Variants in MYBL2 observed in about 807,000 individuals in gnomAD.
The protein encoded by MYBL2 is MYB proto-oncogene like 2.
Under a neutral mutation model 79.9 loss-of-function variants are expected in MYBL2, and 28 were observed. That is an observed-to-expected ratio of 0.35 (90% CI 0.26 to 0.48). The LOEUF (loss-of-function observed/expected upper bound fraction) is 0.48, where lower values mean the gene tolerates loss of function less well. Among genes scored for constraint, MYBL2 ranks in the 20% least tolerant of loss-of-function variants. The probability of loss-of-function intolerance (pLI) is 0.99; values close to 1 mark genes in which losing one functional copy is unlikely to be tolerated. For missense variants in MYBL2, 735 were observed against 893.9 expected, an observed-to-expected ratio of 0.82 and a Z score of 2.27; for synonymous variants, 378 against 361.2, an observed-to-expected ratio of 1.05 and a Z score of -0.53.
At chr20:43,700,552 T>C (rs1987656302) in intron 7 of MYBL2, among the ~76,000 whole-genome samples, 1 of 152,086 alleles carries the variant, frequency 6.6e-6, no homozygotes, top group Non-Finnish European at 1.5e-5. Context: ...TGAGGAGGGC[T>C]TCTTGGTGTG....
At chr20:43,674,224 T>TCTC (rs1555809908) in intron 2 of MYBL2, among the ~76,000 whole-genome samples, 1 of 58,204 alleles carries the variant, frequency 1.7e-5, no homozygotes, top group Non-Finnish European at 3.5e-5. Flanking sequence ...AATCTGTAAC[T>TCTC]CCCCCCACCC....
chr20:43,697,311 A>G (rs1987567205), intron 6 of MYBL2, among the ~76,000 whole-genome samples: 3 of 152,190 alleles, frequency 2.0e-5, no homozygotes, highest in Non-Finnish European at 4.4e-5. Context: ...ATAATTGACA[A>G]ATAAATTGCA....
At chr20:43,668,774 A>G (rs1482696763) in intron 1 of MYBL2, among the ~76,000 whole-genome samples, 2 of 148,266 alleles carry the variant, frequency 1.3e-5, no homozygotes, top group Non-Finnish European at 3.0e-5. Flanking sequence ...TGTAGCCCCA[A>G]CCTCCCAGGT....
At chr20:43,673,353 G>A (rs1330465244) in intron 1 of MYBL2, among the ~76,000 whole-genome samples, 2 of 151,782 alleles carry the variant, frequency 1.3e-5, no homozygotes, top group Non-Finnish European at 1.5e-5. Flanking sequence ...AAAAAGAGGT[G>A]AGGTCGGGTG....
intron 2 of MYBL2, among the ~76,000 whole-genome samples, chr20:43,674,512 C>G (rs536579354): frequency 6.6e-6 from 1 of 151,790 alleles, no homozygotes; most frequent in Non-Finnish European, 1.5e-5. Context: ...CTCAGCCTCC[C>G]GAGTAGCTGG....
At chr20:43,701,048 G>A (rs1987665729) in intron 7 of MYBL2, among the ~76,000 whole-genome samples, 1 of 152,120 alleles carries the variant, frequency 6.6e-6, no homozygotes, top group Admixed American at 6.6e-5. Context: ...CCTGTGAGGT[G>A]GGTAGTGGAC....
At chr20:43,715,372 T>C (rs1988008704) in intron 13 of MYBL2, 89 bp downstream of exon 13, 1 of 1,577,186 alleles carries the variant, frequency 6.3e-7, no homozygotes, top group African/African-American at 1.3e-5. Flanking sequence ...GGTCCTGCAG[T>C]GCCCGCCTTC....
At chr20:43,681,239 C>T (rs2145713338) in intron 2 of MYBL2, among the ~76,000 whole-genome samples, 1 of 152,246 alleles carries the variant, frequency 6.6e-6, no homozygotes, top group South Asian at 2.1e-4. Context: ...TCAGTAATGA[C>T]CTCCTTATGT....
At chr20:43,686,721 C>T (rs763146664) in intron 4 of MYBL2, 131 bp from the exon 5 acceptor site, 73 of 853,040 alleles carry the variant, frequency 8.6e-5, no homozygotes, top group Non-Finnish European at 1.2e-4. Context: ...GCAGCTCGCT[C>T]AGTGTTGCCT....
intron 2 of MYBL2, among the ~76,000 whole-genome samples, chr20:43,674,275 C>T (rs1312495813): frequency 2.5e-5 from 3 of 120,202 alleles, no homozygotes; most frequent in Non-Finnish European, 4.9e-5. Context: ...TCGCTCTTGT[C>T]ACCCAGGCTA....
At chr20:43,701,688 G>T (rs967183582) in intron 7 of MYBL2, among the ~76,000 whole-genome samples, 5 of 152,196 alleles carry the variant, frequency 3.3e-5, no homozygotes, top group Non-Finnish European at 7.3e-5. Context: ...CATCAATGAT[G>T]AGTGACATCC....
intron 1 of MYBL2, among the ~76,000 whole-genome samples, chr20:43,671,463 ATTTTTTT>A (rs376522569): frequency 0.014 from 976 of 70,910 alleles, 19 homozygotes; most frequent in African/African-American, 0.055. Flanking sequence ...GCTGATTTCC[ATTTTTTT>A]TTTTTTTTTT....
chr20:43,668,687 T>G (rs1035379192), intron 1 of MYBL2, among the ~76,000 whole-genome samples: 2 of 8,610 alleles, frequency 2.3e-4, no homozygotes, highest in South Asian at 4.8e-3. Context: ...CTGCCCTGGT[T>G]TTTTTTTTTT....
rs747340803 is a variant in MYBL2 at position 43,702,641 on chromosome 20, T to G, written c.1103T>G (p.Val368Gly). Reference sequence around the variant, plus strand: ...CAGCCTTCCGCCCTGGTGCCCAGTGTGACCGAGTACCGCCTGGATGGCCAC... The same window carrying G: ...CAGCCTTCCGCCCTGGTGCCCAGTGGGACCGAGTACCGCCTGGATGGCCAC... Reference protein sequence around the residue: ...PRQPSALVPSVTEYRLDGHTI... With the variant: ...PRQPSALVPSGTEYRLDGHTI... Residue 368 changes from valine to glycine, a missense_variant, in exon 8 of 14, where the codon GTG becomes GGG. Transcript: ENST00000217026. 1 of 1,614,098 alleles carries G rather than the reference T, an allele frequency of 6.2e-7. No homozygotes were observed. The highest frequency in any genetic ancestry group is 2.2e-5 in the East Asian group (1 of 44,882).
At chr20:43,678,911 AC>A (rs989739031) in intron 2 of MYBL2, among the ~76,000 whole-genome samples, 19 of 149,754 alleles carry the variant, frequency 1.3e-4, no homozygotes, top group African/African-American at 4.4e-4. Context: ...GGGCTGAGAG[AC>A]CAGTGCTGAG....
At chr20:43,672,162 G>A (rs927331753) in intron 1 of MYBL2, among the ~76,000 whole-genome samples, 2 of 18,152 alleles carry the variant, frequency 1.1e-4, no homozygotes, top group Non-Finnish European at 1.5e-4. Context: ...AGTGAGCTGA[G>A]ATGTCGCCAC....
chr20:43,708,373 T>C (rs959596086), intron 9 of MYBL2, among the ~76,000 whole-genome samples: 4 of 152,156 alleles, frequency 2.6e-5, no homozygotes, highest in Non-Finnish European at 5.9e-5. Flanking sequence ...GTGCTGGCAT[T>C]ACAGGGGTGA....
chr20:43,682,734 C>T, intron 3 of MYBL2, 60 bp from the exon 4 acceptor site: 2 of 1,541,620 alleles, frequency 1.3e-6, no homozygotes, highest in Non-Finnish European at 1.8e-6. Flanking sequence ...TTAACCAGGC[C>T]CCCAGCCCGA....
intron 2 of MYBL2, among the ~76,000 whole-genome samples, chr20:43,681,094 T>C (rs948258764): frequency 6.6e-6 from 1 of 152,174 alleles, no homozygotes; most frequent in Non-Finnish European, 1.5e-5. Context: ...GACACTGAGA[T>C]TCATGTTATC....
Sources: allele counts gnomAD v4.1 joint callset (sites outside exome capture counted in the v4.1 genomes callset), GRCh38; gene constraint gnomAD v4.1.1; transcripts MANE v1.5; gene names NCBI Gene and HGNC (gene_info 2026-07-23, HGNC 2026-07-21).